The following GULP1 variants were observed in gnomAD, a reference collection of about 807,000 sequenced individuals.
GULP1 encodes the protein GULP PTB domain containing engulfment adaptor 1.
A neutral mutation model predicts 40.9 loss-of-function variants in GULP1; 19 were observed. That is an observed-to-expected ratio of 0.46 (90% CI 0.32 to 0.68). The LOEUF (loss-of-function observed/expected upper bound fraction) is 0.68, where lower values mean the gene tolerates loss of function less well. Ranked by LOEUF, GULP1 falls within the 30% of genes least tolerant of loss-of-function variation. The pLI, the probability that GULP1 is intolerant of heterozygous loss-of-function variation, is 0.03. For synonymous variants in GULP1, 119 were observed against 117.6 expected, an observed-to-expected ratio of 1.01 and a Z score of -0.08; for missense variants, 312 against 362.2, an observed-to-expected ratio of 0.86 and a Z score of 1.12.
intron 9 of GULP1, among the ~76,000 whole-genome samples, chr2:188,575,380 G>A: frequency 6.6e-6 from 1 of 152,112 alleles, no homozygotes; most frequent in Non-Finnish European, 1.5e-5. Flanking sequence ...ATGTATTTCA[G>A]ATGTTAAAGG....
At chr2:188,457,739 T>G (rs965762653) in intron 2 of GULP1, among the ~76,000 whole-genome samples, 3 of 152,208 alleles carry the variant, frequency 2.0e-5, no homozygotes, top group Non-Finnish European at 4.4e-5. Flanking sequence ...CTTTTTTCTT[T>G]CTTACTTGTG....
At chr2:188,541,109 A>T in intron 6 of GULP1, 72 bp from the exon 7 acceptor site, 2 of 1,279,322 alleles carry the variant, frequency 1.6e-6, no homozygotes, top group Non-Finnish European at 2.2e-6. Context: ...ACATGTTATT[A>T]ACACAAACGA....
At chr2:188,494,795 T>A (rs1165589230) in intron 4 of GULP1, among the ~76,000 whole-genome samples, 3 of 152,058 alleles carry the variant, frequency 2.0e-5, no homozygotes, top group Non-Finnish European at 4.4e-5. Flanking sequence ...ATGTTCTTTT[T>A]TTTCTATGTG....
chr2:188,401,513 T>A (rs2052292702), intron 2 of GULP1, among the ~76,000 whole-genome samples: 1 of 152,172 alleles, frequency 6.6e-6, no homozygotes, highest in Admixed American at 6.5e-5. Flanking sequence ...ATAATGTACC[T>A]GAAATTGGAT....
intron 1 of GULP1, among the ~76,000 whole-genome samples, chr2:188,374,583 ATTGT>A (rs1363404063): frequency 6.6e-6 from 1 of 152,024 alleles, no homozygotes; most frequent in African/African-American, 2.4e-5. Context: ...GTTGAAAGGG[ATTGT>A]TTCTTTGTAG....
rs185586874 is a variant in GULP1 at position 188,478,583 on chromosome 2, G to A, written c.28+853G>A. 9.2e-5 allele frequency among the ~76,000 whole-genome samples: 14 copies of A among 151,986 alleles called. No homozygotes were observed. The East Asian group carries it at 2.7e-3, about 29-fold the overall frequency. ...CTGTAGTAGGATTACAGATGTGTGA[G>A]GAAAAAATGACAAGTTAGGCCTTAT... On this transcript the variant is annotated intron_variant, in intron 3 of 11. Coordinates refer to ENST00000409830, the MANE Select transcript of GULP1 (RefSeq NM_016315.4).
intron 1 of GULP1, among the ~76,000 whole-genome samples, chr2:188,364,654 C>G (rs2046511713): frequency 6.6e-6 from 1 of 151,236 alleles, no homozygotes; most frequent in African/African-American, 2.4e-5. Flanking sequence ...TGAATATCAT[C>G]CATAATTTTT....
chr2:188,419,178 C>T (rs374271810), intron 2 of GULP1, among the ~76,000 whole-genome samples: 160 of 152,262 alleles, frequency 1.1e-3, no homozygotes, highest in African/African-American at 3.7e-3. Flanking sequence ...ATGCTGGTCT[C>T]TCTTTGAGAT....
At chr2:188,444,298 A>G (rs1468452331) in intron 2 of GULP1, among the ~76,000 whole-genome samples, 2 of 152,216 alleles carry the variant, frequency 1.3e-5, no homozygotes, top group Non-Finnish European at 2.9e-5. Context: ...AATGATAACC[A>G]TGTGAGATAA....
chr2:188,392,552 T>G (rs978827584), intron 2 of GULP1, among the ~76,000 whole-genome samples: 1 of 152,032 alleles, frequency 6.6e-6, no homozygotes, highest in African/African-American at 2.4e-5. Flanking sequence ...ACCAGCTTTT[T>G]GTTTCATTTA....
intron 6 of GULP1, among the ~76,000 whole-genome samples, chr2:188,532,877 C>T (rs185587473): frequency 3.2e-4 from 49 of 151,982 alleles, no homozygotes; most frequent in African/African-American, 8.9e-4. Flanking sequence ...GCCAAGATCG[C>T]GCCACTGCAC....
intron 6 of GULP1, among the ~76,000 whole-genome samples, chr2:188,539,742 A>G (rs1395204859): frequency 2.0e-5 from 3 of 152,084 alleles, no homozygotes; most frequent in Non-Finnish European, 4.4e-5. Context: ...CTTAGCATTT[A>G]TTTGTATATC....
At chr2:188,527,729 A>G (rs930479745) in intron 5 of GULP1, among the ~76,000 whole-genome samples, 4 of 152,172 alleles carry the variant, frequency 2.6e-5, no homozygotes, top group Non-Finnish European at 4.4e-5. Flanking sequence ...ACCCCCTGGG[A>G]TAGGAAGGCA....
intron 2 of GULP1, among the ~76,000 whole-genome samples, chr2:188,438,631 T>G (rs1002901434): frequency 1.5e-4 from 23 of 151,724 alleles, no homozygotes; most frequent in African/African-American, 5.6e-4. Context: ...TCTCCTGCTA[T>G]ATATGTTATA....
intron 2 of GULP1, among the ~76,000 whole-genome samples, chr2:188,418,497 G>A (rs1025808304): frequency 6.6e-6 from 1 of 152,112 alleles, no homozygotes; most frequent in Non-Finnish European, 1.5e-5. Flanking sequence ...GCCGGGCATG[G>A]TGGTGGGCGC....
chr2:188,582,662 T>G (rs1166770948), intron 9 of GULP1: 2 of 389,040 alleles, frequency 5.1e-6, no homozygotes, highest in Non-Finnish European at 1.0e-5. Flanking sequence ...AAAATTTAGA[T>G]GTATCTTGAG....
chr2:188,434,576 TTTC>T (rs1314052104), intron 2 of GULP1, among the ~76,000 whole-genome samples: 1 of 151,768 alleles, frequency 6.6e-6, no homozygotes. Context: ...TTGAATCATT[TTTC>T]TTCTTTTTTT....
intron 1 of GULP1, among the ~76,000 whole-genome samples, chr2:188,335,327 T>G (rs748545717): frequency 6.6e-6 from 1 of 152,146 alleles, no homozygotes; most frequent in Non-Finnish European, 1.5e-5. Context: ...TCTCTCTTGA[T>G]TCATCAGTTT....
intron 1 of GULP1, among the ~76,000 whole-genome samples, chr2:188,348,203 A>C (rs2043959250): frequency 6.6e-6 from 1 of 152,210 alleles, no homozygotes; most frequent in African/African-American, 2.4e-5. Flanking sequence ...TTACATGGCA[A>C]TTTCTCTGAT....
Sources: allele counts gnomAD v4.1 joint callset (sites outside exome capture counted in the v4.1 genomes callset), GRCh38; gene constraint gnomAD v4.1.1; transcripts MANE v1.5; gene names NCBI Gene and HGNC (gene_info 2026-07-23, HGNC 2026-07-21).